The following ADCK1 variants were observed in gnomAD, a reference collection of about 807,000 sequenced individuals.
The protein encoded by ADCK1 is aarF domain-containing protein kinase 1.
A neutral mutation model predicts 52.3 loss-of-function variants in ADCK1; 41 were observed. The observed-to-expected ratio is 0.78, with a 90% CI of 0.61 to 1.02. The LOEUF (loss-of-function observed/expected upper bound fraction) is 1.02. Ranked by LOEUF, ADCK1 falls within the 50% of genes least tolerant of loss-of-function variation. The pLI is 0.00. For missense variants in ADCK1, 658 were observed against 679.5 expected (o/e 0.97, Z 0.35); for synonymous variants, 250 against 274.6 (o/e 0.91, Z 0.89).
intron 3 of ADCK1, among the ~76,000 whole-genome samples, chr14:77,839,178 C>G (rs562324558): frequency 6.6e-6 from 1 of 152,102 alleles, no homozygotes; most frequent in African/African-American, 2.4e-5. Flanking sequence ...AGGGCTCTCT[C>G]GCATGATGTT....
chr14:77,817,852 T>C (rs980517369), intron 1 of ADCK1, among the ~76,000 whole-genome samples: 47 of 151,828 alleles, frequency 3.1e-4, no homozygotes, highest in Admixed American at 2.0e-3. Flanking sequence ...TCTCCTGCCT[T>C]AGCCTCCCGA....
At chr14:77,831,689 G>A (rs11159293) in intron 3 of ADCK1, among the ~76,000 whole-genome samples, 6,553 of 150,832 alleles carry the variant, frequency 0.043, 277 homozygotes, top group African/African-American at 0.11. Context: ...GGCTCAAGCA[G>A]TCCTCTTGCC....
At chr14:77,905,943 A>G (rs1399863827) in intron 6 of ADCK1, among the ~76,000 whole-genome samples, 1 of 152,234 alleles carries the variant, frequency 6.6e-6, no homozygotes, top group African/African-American at 2.4e-5. Context: ...CTATTGGCCC[A>G]GATTTTCAAA....
intron 1 of ADCK1, among the ~76,000 whole-genome samples, chr14:77,804,379 T>G (rs2081173893): frequency 6.6e-6 from 1 of 152,208 alleles, no homozygotes; most frequent in Non-Finnish European, 1.5e-5. Context: ...TCCAGTCTAT[T>G]TAGATGCCAT....
chr14:77,844,393 C>T (rs2082134669), intron 3 of ADCK1, among the ~76,000 whole-genome samples: 1 of 152,112 alleles, frequency 6.6e-6, no homozygotes, highest in South Asian at 2.1e-4. Context: ...ATCATAATTT[C>T]TTATGTTACC....
At chr14:77,802,246 T>G (rs1307292078) in intron 1 of ADCK1, among the ~76,000 whole-genome samples, 1 of 152,096 alleles carries the variant, frequency 6.6e-6, no homozygotes. Flanking sequence ...TGTGAGTTAA[T>G]GAGCTAATAA....
At chr14:77,883,227 G>C (rs543918940) in intron 4 of ADCK1, among the ~76,000 whole-genome samples, 1 of 152,186 alleles carries the variant, frequency 6.6e-6, no homozygotes, top group African/African-American at 2.4e-5. Flanking sequence ...AAAAGAAATG[G>C]GGAAAGAAAG....
At chr14:77,863,772 G>A (rs888772666) in intron 4 of ADCK1, among the ~76,000 whole-genome samples, 1 of 152,062 alleles carries the variant, frequency 6.6e-6, no homozygotes, top group Non-Finnish European at 1.5e-5. Context: ...AGGAGGCGGA[G>A]GTTGCAGTGA....
At chr14:77,888,760 A>G (rs1224478177) in intron 5 of ADCK1, among the ~76,000 whole-genome samples, 3 of 152,202 alleles carry the variant, frequency 2.0e-5, no homozygotes, top group Non-Finnish European at 4.4e-5. Flanking sequence ...ACGTTTAGGT[A>G]TATTTAACTA....
chr14:77,882,112 T>C (rs2140193283), intron 4 of ADCK1, among the ~76,000 whole-genome samples: 1 of 151,960 alleles, frequency 6.6e-6, no homozygotes, highest in South Asian at 2.1e-4. Context: ...GAGTCCTAGA[T>C]AGCTGGAGTT....
At chr14:77,898,545 A>C (rs1020260225) in intron 5 of ADCK1, among the ~76,000 whole-genome samples, 8 of 152,212 alleles carry the variant, frequency 5.3e-5, no homozygotes, top group African/African-American at 1.9e-4. Flanking sequence ...AGGAACAAAA[A>C]AACCCAAAGA....
chr14:77,899,933 G>T (rs1205293894), intron 6 of ADCK1, among the ~76,000 whole-genome samples: 1 of 151,992 alleles, frequency 6.6e-6, no homozygotes, highest in East Asian at 1.9e-4. Flanking sequence ...AGCCTGGCGT[G>T]GTGGCATGTG....
chr14:77,809,354 A>G (rs2081290507), intron 1 of ADCK1, among the ~76,000 whole-genome samples: 1 of 151,204 alleles, frequency 6.6e-6, no homozygotes, highest in African/African-American at 2.4e-5. Context: ...TTTGAGATGG[A>G]GTTTGGCTCT....
intron 9 of ADCK1, among the ~76,000 whole-genome samples, chr14:77,930,371 C>T (rs113550751): frequency 0.028 from 4,239 of 152,222 alleles, 80 homozygotes; most frequent in African/African-American, 0.045. Context: ...AGCAGCACCC[C>T]GGGTCTCCTC....
Position 77,813,129 on chromosome 14 carries a change from A to G in ADCK1, c.-11-5839A>G, listed in dbSNP as rs926840163. Among the ~76,000 whole-genome samples the G allele has an allele frequency of 3.3e-5, 5 of 150,876 alleles. No individual in the cohort carries two copies. In the East Asian group the frequency reaches 9.8e-4, roughly 30 times the overall value. On this transcript the variant is annotated intron_variant, in intron 1 of 10. Transcript: ENST00000238561. Reference sequence around the variant, plus strand: ...GCAATTTTCCTGCCTCAGCCTCCTTAGTAGCTGGGATTATAGGCATGCGCC... The same window carrying G: ...GCAATTTTCCTGCCTCAGCCTCCTTGGTAGCTGGGATTATAGGCATGCGCC...
At chr14:77,864,552 A>G (rs2082621952) in intron 4 of ADCK1, among the ~76,000 whole-genome samples, 1 of 152,102 alleles carries the variant, frequency 6.6e-6, no homozygotes, top group Admixed American at 6.5e-5. Flanking sequence ...CCTCCAGGCT[A>G]TGGCAGGTTG....
At chr14:77,927,997 G>A (rs1160084734) in intron 9 of ADCK1, among the ~76,000 whole-genome samples, 1 of 152,154 alleles carries the variant, frequency 6.6e-6, no homozygotes, top group Non-Finnish European at 1.5e-5. Context: ...GAGTGGTGGC[G>A]ATCATTTAGG....
intron 4 of ADCK1, among the ~76,000 whole-genome samples, chr14:77,863,088 C>T (rs1386697796): frequency 2.6e-5 from 4 of 152,162 alleles, no homozygotes; most frequent in South Asian, 2.1e-4. Flanking sequence ...GGCGTTCAGC[C>T]GGTGAATAGT....
chr14:77,898,598 A>G (rs1289745789), intron 5 of ADCK1, among the ~76,000 whole-genome samples: 2 of 151,868 alleles, frequency 1.3e-5, no homozygotes, highest in Non-Finnish European at 2.9e-5. Context: ...CAATGAGAAC[A>G]CATGGACACA....
Sources: allele counts gnomAD v4.1 joint callset (sites outside exome capture counted in the v4.1 genomes callset), GRCh38; gene constraint gnomAD v4.1.1; transcripts MANE v1.5; gene names NCBI Gene and HGNC (gene_info 2026-07-23, HGNC 2026-07-21).